The following GUCY1B1 variants were observed in gnomAD, a reference collection of about 807,000 sequenced individuals.
GUCY1B1 encodes the protein guanylate cyclase 1 soluble subunit beta 1, also known as guanylate cyclase soluble subunit beta-1.
Under a neutral mutation model 71.0 loss-of-function variants are expected in GUCY1B1, and 43 were observed. The ratio of observed to expected loss-of-function variants is 0.61; its 90% CI spans 0.47 to 0.78. The LOEUF is 0.78. Ranked by LOEUF, GUCY1B1 falls within the 30% of genes least tolerant of loss-of-function variation. The pLI, the probability that GUCY1B1 is intolerant of heterozygous loss-of-function variation, is 0.00. For synonymous variants in GUCY1B1, 266 were observed against 259.7 expected (o/e 1.02, Z -0.23); for missense variants, 535 against 754.1 (o/e 0.71, Z 3.40).
At chr4:155,780,131 C>T (rs1389727503) in intron 4 of GUCY1B1, among the ~76,000 whole-genome samples, 1 of 152,164 alleles carries the variant, frequency 6.6e-6, no homozygotes, top group African/African-American at 2.4e-5. Context: ...TGCTTAAACT[C>T]TGGAGTAATT....
At chr4:155,761,241 G>T (rs1424409909) in intron 2 of GUCY1B1, among the ~76,000 whole-genome samples, 1 of 152,046 alleles carries the variant, frequency 6.6e-6, no homozygotes, top group Non-Finnish European at 1.5e-5. Context: ...TTTTTATTTT[G>T]CTTAGTAGAC....
In GUCY1B1 at chr4:155,784,984, A is replaced by C. The variant is rs889945846; in HGVS notation, c.298-4730A>C. 2.6e-5 allele frequency among the ~76,000 whole-genome samples: 4 copies of C among 152,180 alleles called. No homozygotes were observed. The South Asian group carries it at 6.2e-4, about 24-fold the overall frequency. Reference sequence around the variant, plus strand: ...TTTGTTTTCTAAATCTGTGAAGTGTACTATGTCTGAAATTCCAGTAGAGTA... The same window carrying C: ...TTTGTTTTCTAAATCTGTGAAGTGTCCTATGTCTGAAATTCCAGTAGAGTA... On this transcript the variant is annotated intron_variant, in intron 4 of 13. Coordinates refer to ENST00000264424, the MANE Select transcript of GUCY1B1 (RefSeq NM_000857.5).
chr4:155,768,967 TA>T (rs1373867499), intron 2 of GUCY1B1, among the ~76,000 whole-genome samples: 8 of 152,262 alleles, frequency 5.3e-5, no homozygotes, highest in Non-Finnish European at 1.0e-4. Context: ...GCACCTTAAT[TA>T]TTTGATTCTG....
At chr4:155,759,646 T>A (rs1023120093) in intron 1 of GUCY1B1, 141 bp from the exon 2 acceptor site, 2 of 608,464 alleles carry the variant, frequency 3.3e-6, no homozygotes, top group Non-Finnish European at 5.8e-6. Context: ...CTTTAGTGCA[T>A]AGTACCCCTA....
chr4:155,783,648 A>T, intron 4 of GUCY1B1, among the ~76,000 whole-genome samples: 1 of 152,186 alleles, frequency 6.6e-6, no homozygotes, highest in East Asian at 1.9e-4. Context: ...CTTATTAAAT[A>T]CAACATTGTG....
intron 4 of GUCY1B1, among the ~76,000 whole-genome samples, chr4:155,787,177 T>C (rs963937077): frequency 6.6e-6 from 1 of 152,204 alleles, no homozygotes. Context: ...TGATTCATCA[T>C]TGGAAGAACC....
chr4:155,759,680 T>G (rs1736826428), intron 1 of GUCY1B1, 107 bp from the exon 2 acceptor site: 5 of 717,800 alleles, frequency 7.0e-6, no homozygotes, highest in African/African-American at 3.6e-5. Flanking sequence ...AGGGGCGGGG[T>G]GAAAGGTTAA....
chr4:155,759,281 C>A, intron 1 of GUCY1B1, 138 bp downstream of exon 1: 1 of 805,708 alleles, frequency 1.2e-6, no homozygotes, highest in Non-Finnish European at 1.9e-6. Context: ...AGCCTCACTC[C>A]TTGCCCGCGC....
At chr4:155,789,248 TA>T (rs1443300573) in intron 4 of GUCY1B1, among the ~76,000 whole-genome samples, 2 of 152,232 alleles carry the variant, frequency 1.3e-5, no homozygotes, top group Non-Finnish European at 2.9e-5. Context: ...GCTTATGTTT[TA>T]TATGCTTATA....
intron 2 of GUCY1B1, among the ~76,000 whole-genome samples, chr4:155,768,202 G>A (rs1737469030): frequency 6.6e-6 from 1 of 152,072 alleles, no homozygotes; most frequent in African/African-American, 2.4e-5. Context: ...CTGAAATATA[G>A]CAGTCTTGTC....
chr4:155,769,902 T>C (rs1737582047), intron 2 of GUCY1B1, among the ~76,000 whole-genome samples: 1 of 152,118 alleles, frequency 6.6e-6, no homozygotes, highest in Admixed American at 6.6e-5. Flanking sequence ...AATGTATACA[T>C]AATGCAACAA....
intron 2 of GUCY1B1, among the ~76,000 whole-genome samples, chr4:155,772,144 T>C (rs1330479892): frequency 6.6e-6 from 1 of 152,210 alleles, no homozygotes; most frequent in Non-Finnish European, 1.5e-5. Flanking sequence ...TCACTGACTT[T>C]TGGTATTAAA....
chr4:155,764,132 G>A (rs1007848771), intron 2 of GUCY1B1, among the ~76,000 whole-genome samples: 1 of 152,004 alleles, frequency 6.6e-6, no homozygotes, highest in African/African-American at 2.4e-5. Context: ...AAACAAAAGA[G>A]CACATCACCA....
At position 155,783,440 on chromosome 4, in the gene GUCY1B1, T is replaced by C. The variant is rs566658830; in HGVS notation, c.297+5798T>C. 5.9e-5 allele frequency among the ~76,000 whole-genome samples: 9 copies of C among 152,330 alleles called. No individual in the cohort carries two copies. In the East Asian group the frequency reaches 1.3e-3, roughly 23 times the overall value. On this transcript the variant is annotated intron_variant, in intron 4 of 13. Coordinates refer to ENST00000264424, the MANE Select transcript of GUCY1B1 (RefSeq NM_000857.5). ...AGTTAGGATTTAAATTATGACCTAA[T>C]TTAAATTAGAACTCAGGTGAATAGT...
At position 155,799,513 on chromosome 4, in the gene GUCY1B1, G is replaced by A. The variant is rs190086438; in HGVS notation, c.978-364G>A. Among the ~76,000 whole-genome samples the A allele has an allele frequency of 2.8e-4, 42 of 152,248 alleles. No homozygotes were observed. In the East Asian group the frequency reaches 5.8e-3, roughly 21 times the overall value. The stretch of plus-strand genomic sequence containing the variant: ...TATTATTCTTGAGAGAGAGAATAAA[G>A]ATAGATTTTTTTCCTCTCCTTATGA... On this transcript the variant is annotated intron_variant, in intron 8 of 13. Coordinates refer to ENST00000264424, the MANE Select transcript of GUCY1B1 (RefSeq NM_000857.5).
chr4:155,788,893 G>T (rs774870572), intron 4 of GUCY1B1, among the ~76,000 whole-genome samples: 1 of 152,160 alleles, frequency 6.6e-6, no homozygotes, highest in East Asian at 1.9e-4. Context: ...TATGAACTGA[G>T]TGTTATTTGA....
At chr4:155,785,255 G>T in intron 4 of GUCY1B1, 1 of 1,318,696 alleles carries the variant, frequency 7.6e-7, no homozygotes, top group South Asian at 1.3e-5. Flanking sequence ...TTGATTTTAT[G>T]AAGCCTAGAA....
Position 155,759,652 on chromosome 4 carries a change from C to T in GUCY1B1, c.4-135C>T, listed in dbSNP as rs57316172. ...ATCCGACTCCTTTAGTGCATAGTACCCCTAAGGGAGAGGAGTCAGGGGCGG... is the reference window on the plus strand; with the variant it reads ...ATCCGACTCCTTTAGTGCATAGTACTCCTAAGGGAGAGGAGTCAGGGGCGG... On this transcript the variant is annotated intron_variant, in intron 1 of 13. Transcript: ENST00000264424. 7.9e-6 allele frequency: 5 copies of T among 636,496 alleles called. No homozygotes were observed. In the South Asian group the frequency reaches 9.3e-5, roughly 12 times the overall value. 39.4% of individuals were successfully genotyped at this position (636,496 alleles called of 1,614,324 possible). A position where few individuals can be genotyped will look rare whatever the true frequency, so the allele number is the denominator to read the frequency against.
chr4:155,793,234 G>A (rs148742938), intron 5 of GUCY1B1, among the ~76,000 whole-genome samples: 2,345 of 151,944 alleles, frequency 0.015, 31 homozygotes, highest in Non-Finnish European at 0.024. Flanking sequence ...CCACCACTGC[G>A]CCTGGCTAAT....
Sources: gnomAD v4.1 joint callset for allele counts (sites outside exome capture counted in the v4.1 genomes callset) on GRCh38, gnomAD v4.1.1 for gene constraint, MANE v1.5 for transcripts, NCBI Gene and HGNC (gene_info 2026-07-23, HGNC 2026-07-21) for gene names.